Variants in MAGI2 observed in about 807,000 individuals in gnomAD.
MAGI2 encodes membrane associated guanylate kinase, WW and PDZ domain containing 2, also known as membrane-associated guanylate kinase, WW and PDZ domain-containing protein 2.
A neutral mutation model predicts 133.3 loss-of-function variants in MAGI2; 35 were observed. The observed-to-expected ratio is 0.26, with a 90% CI of 0.20 to 0.35. MAGI2 has a LOEUF of 0.35. Among genes scored for constraint, MAGI2 ranks in the 10% least tolerant of loss-of-function variants. MAGI2 has a pLI of 1.00. For missense variants in MAGI2, 1,636 were observed against 1,863.4 expected (o/e 0.88, Z 2.25); for synonymous variants, 729 against 710.6 (o/e 1.03, Z -0.41).
chr7:78,061,887 T>C (rs1020052746), intron 21 of MAGI2, among the ~76,000 whole-genome samples: 8 of 152,242 alleles, frequency 5.3e-5, no homozygotes, highest in Non-Finnish European at 7.3e-5. Context: ...TTTGTTATCA[T>C]AGTGAAACTG....
chr7:79,211,666 A>G (rs1356260427), intron 1 of MAGI2, among the ~76,000 whole-genome samples: 1 of 151,774 alleles, frequency 6.6e-6, no homozygotes, highest in African/African-American at 2.4e-5. Context: ...TATTTTCCTT[A>G]TGTTTTATTT....
chr7:78,932,601 T>G (rs1160320119), intron 2 of MAGI2, among the ~76,000 whole-genome samples: 1 of 151,870 alleles, frequency 6.6e-6, no homozygotes, highest in Admixed American at 6.6e-5. Flanking sequence ...CACATGCCAC[T>G]TAATGGCATG....
intron 1 of MAGI2, among the ~76,000 whole-genome samples, chr7:79,417,464 A>C (rs62458997): frequency 0.08 from 12,113 of 152,160 alleles, 553 homozygotes; most frequent in Middle Eastern, 0.14. Flanking sequence ...AGAATTTATC[A>C]GTCAGAGGAA....
intron 13 of MAGI2, 67 bp from the exon 14 acceptor site, chr7:78,178,169 A>G (rs1224628604): frequency 2.1e-6 from 2 of 948,906 alleles, no homozygotes; most frequent in African/African-American, 3.3e-5. Context: ...GGAACTGAAC[A>G]TACCAATGAT....
intron 6 of MAGI2, among the ~76,000 whole-genome samples, chr7:78,458,489 T>A (rs1021798885): frequency 6.6e-6 from 1 of 152,128 alleles, no homozygotes; most frequent in Non-Finnish European, 1.5e-5. Flanking sequence ...TGTATGTTTA[T>A]GGGTGTGTGC....
At chr7:79,081,369 C>A (rs143257258) in intron 1 of MAGI2, among the ~76,000 whole-genome samples, 92 of 152,230 alleles carry the variant, frequency 6.0e-4, no homozygotes, top group African/African-American at 2.2e-3. Context: ...TTTATTTATG[C>A]CTTCATATAT....
intron 18 of MAGI2, among the ~76,000 whole-genome samples, chr7:78,128,190 A>C (rs147489658): frequency 6.6e-6 from 1 of 152,348 alleles, no homozygotes; most frequent in African/African-American, 2.4e-5. Context: ...AATGAAATAA[A>C]CACAGAGATG....
chr7:78,802,058 C>A (rs1788109171), intron 2 of MAGI2, among the ~76,000 whole-genome samples: 1 of 152,120 alleles, frequency 6.6e-6, no homozygotes, highest in African/African-American at 2.4e-5. Context: ...AGATCAAGGG[C>A]TTTCCTTTCT....
chr7:78,194,826 G>A (rs919077228), intron 12 of MAGI2, 48 bp downstream of exon 12: 13 of 1,422,306 alleles, frequency 9.1e-6, no homozygotes, highest in Non-Finnish European at 1.2e-5. Context: ...TCCTGGCAGG[G>A]CCTCAGCTAT....
chr7:79,304,848 G>A (rs564200984), intron 1 of MAGI2, among the ~76,000 whole-genome samples: 3 of 152,142 alleles, frequency 2.0e-5, no homozygotes, highest in Non-Finnish European at 4.4e-5. Flanking sequence ...GCATTAAATA[G>A]TCACACTCCT....
chr7:78,253,562 ACTTAT>A (rs1792651705), intron 10 of MAGI2: 1 of 152,086 alleles, frequency 6.6e-6, no homozygotes, highest in Non-Finnish European at 1.5e-5. Context: ...AGTAGCACAC[ACTTAT>A]CCCATCTATA....
chr7:78,728,602 G>T (rs1422716257), intron 2 of MAGI2, among the ~76,000 whole-genome samples: 1 of 79,482 alleles, frequency 1.3e-5, no homozygotes, highest in Non-Finnish European at 2.2e-5. Flanking sequence ...GTCTCGCTCT[G>T]TCGCCCAGGC....
chr7:79,138,561 G>C (rs149488992), intron 1 of MAGI2, among the ~76,000 whole-genome samples: 39 of 152,232 alleles, frequency 2.6e-4, no homozygotes, highest in Non-Finnish European at 5.0e-4. Flanking sequence ...TTCTATTTCA[G>C]ACTGAAGGGA....
At chr7:79,028,258 T>C (rs1166314515) in intron 1 of MAGI2, among the ~76,000 whole-genome samples, 9 of 21,950 alleles carry the variant, frequency 4.1e-4, no homozygotes, top group African/African-American at 1.2e-3. Flanking sequence ...TATATATATA[T>C]ATATATATAT....
intron 3 of MAGI2, among the ~76,000 whole-genome samples, chr7:78,566,669 A>G (rs1056590359): frequency 5.3e-5 from 8 of 152,178 alleles, no homozygotes; most frequent in Non-Finnish European, 1.2e-4. Context: ...ATATAATACC[A>G]TGAATACTTT....
intron 1 of MAGI2, among the ~76,000 whole-genome samples, chr7:79,318,444 C>G (rs1838913938): frequency 6.6e-6 from 1 of 152,020 alleles, no homozygotes; most frequent in Non-Finnish European, 1.5e-5. Context: ...GAATAAAATT[C>G]CTTTTGTGGA....
intron 1 of MAGI2, among the ~76,000 whole-genome samples, chr7:79,112,083 T>C (rs1818976593): frequency 6.6e-6 from 1 of 152,022 alleles, no homozygotes; most frequent in Non-Finnish European, 1.5e-5. Flanking sequence ...CCGAGAGGTA[T>C]AGTAACTTGT....
chr7:78,724,711 C>T (rs1347036636), intron 2 of MAGI2, among the ~76,000 whole-genome samples: 1 of 152,190 alleles, frequency 6.6e-6, no homozygotes, highest in African/African-American at 2.4e-5. Flanking sequence ...TCTTGTACAG[C>T]AATTCCAGCA....
At chr7:78,643,920 C>G (rs1810564181) in intron 2 of MAGI2, among the ~76,000 whole-genome samples, 2 of 152,054 alleles carry the variant, frequency 1.3e-5, no homozygotes, top group South Asian at 4.1e-4. Flanking sequence ...AAGAGCAAAA[C>G]TCACCTATAT....
Sources: gnomAD v4.1 joint callset for allele counts (sites outside exome capture counted in the v4.1 genomes callset) on GRCh38, gnomAD v4.1.1 for gene constraint, MANE v1.5 for transcripts, NCBI Gene and HGNC (gene_info 2026-07-23, HGNC 2026-07-21) for gene names.